COLEC10: variants seen among roughly 807,000 people sequenced by gnomAD.
COLEC10 encodes collectin subfamily member 10, also known as collectin-10.
A neutral mutation model predicts 28.4 loss-of-function variants in COLEC10; 22 were observed. The observed-to-expected ratio is 0.78, with a 90% CI of 0.55 to 1.11. COLEC10 has a LOEUF of 1.11. Among genes scored for constraint, COLEC10 ranks in the 50% least tolerant of loss-of-function variants. The probability of loss-of-function intolerance (pLI) is 0.00; values close to 1 mark genes in which losing one functional copy is unlikely to be tolerated. For synonymous variants in COLEC10, 125 were observed against 116.1 expected (o/e 1.08, Z -0.49); for missense variants, 361 against 344.1 (o/e 1.05, Z -0.39).
At chr8:119,036,771 A>AC (rs1814395752) in intron 2 of COLEC10, among the ~76,000 whole-genome samples, 1 of 152,232 alleles carries the variant, frequency 6.6e-6, no homozygotes, top group South Asian at 2.1e-4. Context: ...ATGCAGGCAG[A>AC]CACAGGGGAA....
intron 2 of COLEC10, among the ~76,000 whole-genome samples, chr8:119,061,168 A>C (rs1469341372): frequency 6.6e-6 from 1 of 152,092 alleles, no homozygotes; most frequent in Non-Finnish European, 1.5e-5. Context: ...ACACACATTC[A>C]ACAAAAGAGT....
upstream of COLEC10, among the ~76,000 whole-genome samples, chr8:119,066,798 T>C (rs143306675): frequency 3.9e-3 from 597 of 152,322 alleles, 4 homozygotes; most frequent in African/African-American, 0.014. Flanking sequence ...ATGGAGGGCA[T>C]TGGAAGCATT....
chr8:119,000,234 G>C (rs1813668479), intron 1 of COLEC10, among the ~76,000 whole-genome samples: 1 of 152,122 alleles, frequency 6.6e-6, no homozygotes, highest in Non-Finnish European at 1.5e-5. Flanking sequence ...GAACTATCTT[G>C]CAATGTTTTC....
chr8:119,069,624 AAAAAAATATATATATATATATAT>A (rs1235116234), intron 1 of COLEC10, among the ~76,000 whole-genome samples: 1,457 of 67,296 alleles, frequency 0.022, 62 homozygotes, highest in African/African-American at 0.1. Context: ...AAAAAAAAAA[AAAAAAATATATATATATATATAT>A]ATATATATAT....
intron 3 of COLEC10, among the ~76,000 whole-genome samples, chr8:119,099,415 C>T (rs1244514204): frequency 6.6e-6 from 1 of 151,992 alleles, no homozygotes; most frequent in Non-Finnish European, 1.5e-5. Flanking sequence ...TATTACTATA[C>T]CTAATTTATT....
chr8:118,982,794 G>A, the COLEC10 span: 1 of 152,564 alleles, frequency 6.6e-6, no homozygotes, highest in African/African-American at 2.4e-5. Context: ...ACCAGAACCT[G>A]GTCAGGATAT....
chr8:118,967,504 T>A, the COLEC10 span, among the ~76,000 whole-genome samples: 2 of 152,068 alleles, frequency 1.3e-5, no homozygotes, highest in Non-Finnish European at 2.9e-5. Flanking sequence ...TTTACTTACT[T>A]GTATAATAAG....
the COLEC10 span, among the ~76,000 whole-genome samples, chr8:118,987,891 T>G: frequency 3.9e-5 from 6 of 152,286 alleles, no homozygotes; most frequent in South Asian, 1.2e-3. Context: ...AAATAGTCTT[T>G]GGTTTCAGCA....
At chr8:119,071,798 A>G (rs932691371) in intron 1 of COLEC10, among the ~76,000 whole-genome samples, 5 of 152,192 alleles carry the variant, frequency 3.3e-5, no homozygotes, top group African/African-American at 9.7e-5. Context: ...TTTTGATTAA[A>G]TGAATCTACC....
At chr8:118,973,380 C>A in the COLEC10 span, among the ~76,000 whole-genome samples, 2 of 151,912 alleles carry the variant, frequency 1.3e-5, no homozygotes, top group African/African-American at 4.8e-5. Context: ...TATCTGAAGG[C>A]ATGACTGGGG....
At chr8:119,053,686 T>TG (rs60423523) in intron 2 of COLEC10, among the ~76,000 whole-genome samples, 71,873 of 149,856 alleles carry the variant, frequency 0.48, 19,089 homozygotes, top group African/African-American at 0.73. Flanking sequence ...AAAAAAAAGG[T>TG]GGGGGGGGCT....
intron 1 of COLEC10, among the ~76,000 whole-genome samples, chr8:119,083,550 C>T (rs1384665545): frequency 7.2e-5 from 11 of 152,130 alleles, no homozygotes; most frequent in Admixed American, 6.5e-4. Context: ...AGTATGCTTG[C>T]AATATTTATG....
At chr8:119,064,916 T>C (rs1180300070), upstream of COLEC10, among the ~76,000 whole-genome samples, 1 of 152,182 alleles carries the variant, frequency 6.6e-6, no homozygotes, top group Admixed American at 6.5e-5. Context: ...CACAGGACTA[T>C]TTTGAGACTA....
intron 2 of COLEC10, among the ~76,000 whole-genome samples, chr8:119,033,629 C>A: frequency 6.6e-6 from 1 of 151,976 alleles, no homozygotes; most frequent in Non-Finnish European, 1.5e-5. Context: ...AGCCAACAAA[C>A]ATGAAAAAAA....
intron 2 of COLEC10, among the ~76,000 whole-genome samples, chr8:119,059,916 A>T (rs778585657): frequency 1.3e-5 from 2 of 152,108 alleles, no homozygotes; most frequent in African/African-American, 4.8e-5. Flanking sequence ...GATTATTTTG[A>T]TAACTTTATC....
At chr8:119,096,591 A>AAAAAT (rs1045468163) in intron 3 of COLEC10, among the ~76,000 whole-genome samples, 18 of 152,080 alleles carry the variant, frequency 1.2e-4, no homozygotes, top group African/African-American at 3.9e-4. Flanking sequence ...ACTGCATCTC[A>AAAAAT]AAAATAAAAT....
At chr8:119,024,059 A>G (rs923609734) in intron 2 of COLEC10, among the ~76,000 whole-genome samples, 1 of 152,198 alleles carries the variant, frequency 6.6e-6, no homozygotes, top group Non-Finnish European at 1.5e-5. Context: ...CAGTTTAGAT[A>G]TTAAATTTGC....
chr8:118,955,793 G>A, the COLEC10 span, among the ~76,000 whole-genome samples: 2 of 152,212 alleles, frequency 1.3e-5, no homozygotes, highest in Non-Finnish European at 2.9e-5. Context: ...CAGTACGGTT[G>A]CTGCATGGAG....
At chr8:119,023,721 A>G (rs1814136734) in intron 2 of COLEC10, among the ~76,000 whole-genome samples, 1 of 152,196 alleles carries the variant, frequency 6.6e-6, no homozygotes, top group Non-Finnish European at 1.5e-5. Context: ...TAAATGTTTC[A>G]GCTAAAAACA....
Sources: gnomAD v4.1 joint callset for allele counts (sites outside exome capture counted in the v4.1 genomes callset) on GRCh38, gnomAD v4.1.1 for gene constraint, MANE v1.5 for transcripts, NCBI Gene and HGNC (gene_info 2026-07-23, HGNC 2026-07-21) for gene names.